GLRB: variants seen among roughly 807,000 people sequenced by gnomAD.
The protein encoded by GLRB is glycine receptor subunit beta.
A neutral mutation model predicts 54.2 loss-of-function variants in GLRB; 33 were observed. The observed-to-expected ratio is 0.61, with a 90% CI of 0.46 to 0.81. The LOEUF is 0.81. Among genes scored for constraint, GLRB ranks in the 40% least tolerant of loss-of-function variants. GLRB has a pLI of 0.00. For synonymous variants in GLRB, 209 were observed against 208.2 expected, an observed-to-expected ratio of 1.00 and a Z score of -0.03; for missense variants, 572 against 584.6, an observed-to-expected ratio of 0.98 and a Z score of 0.22.
intron 9 of GLRB, among the ~76,000 whole-genome samples, chr4:157,159,375 A>G (rs532768210): frequency 6.6e-6 from 1 of 152,274 alleles, no homozygotes; most frequent in East Asian, 1.9e-4. Flanking sequence ...TATGTTGAAT[A>G]GGAATGCTAA....
intron 2 of GLRB, among the ~76,000 whole-genome samples, chr4:157,094,416 G>T (rs750797982): frequency 4.3e-4 from 66 of 152,068 alleles, no homozygotes; most frequent in Middle Eastern, 3.2e-3. Flanking sequence ...TCCATTATAT[G>T]AATCACTGCA....
chr4:157,093,156 T>C (rs1345102062), intron 2 of GLRB, among the ~76,000 whole-genome samples: 5 of 145,752 alleles, frequency 3.4e-5, no homozygotes, highest in African/African-American at 1.3e-4. Flanking sequence ...ACATTTAAAG[T>C]TTATTAAAGT....
At chr4:157,119,999 A>T (rs1413711110) in intron 2 of GLRB, among the ~76,000 whole-genome samples, 5 of 151,786 alleles carry the variant, frequency 3.3e-5, no homozygotes, top group Admixed American at 3.3e-4. Context: ...TCCAACAATG[A>T]TAGGCTGGAT....
chr4:157,097,877 C>T (rs1734872160), intron 2 of GLRB, among the ~76,000 whole-genome samples: 1 of 152,116 alleles, frequency 6.6e-6, no homozygotes, highest in South Asian at 2.1e-4. Context: ...AAAAATTAGC[C>T]AGGCATCATG....
chr4:157,164,605 G>A (rs1310499601), intron 9 of GLRB, among the ~76,000 whole-genome samples: 1 of 152,030 alleles, frequency 6.6e-6, no homozygotes, highest in Non-Finnish European at 1.5e-5. Context: ...ATTAAATGTA[G>A]TAACAATACT....
chr4:157,109,685 G>C (rs1579205359), intron 2 of GLRB, among the ~76,000 whole-genome samples: 1 of 151,992 alleles, frequency 6.6e-6, no homozygotes, highest in East Asian at 1.9e-4. Flanking sequence ...GTTGTGTCCT[G>C]TACTTCTGAC....
chr4:157,125,892 G>A (rs1735998985), intron 4 of GLRB, among the ~76,000 whole-genome samples: 1 of 151,988 alleles, frequency 6.6e-6, no homozygotes, highest in African/African-American at 2.4e-5. Context: ...AGGTTGCAGT[G>A]AGCTGAGATC....
At chr4:157,107,241 A>G (rs1170297101) in intron 2 of GLRB, among the ~76,000 whole-genome samples, 2 of 152,032 alleles carry the variant, frequency 1.3e-5, no homozygotes, top group African/African-American at 4.8e-5. Context: ...TAATATCTCT[A>G]CAATTGTCTC....
intron 2 of GLRB, among the ~76,000 whole-genome samples, chr4:157,113,524 C>G (rs922488307): frequency 6.6e-6 from 1 of 151,678 alleles, no homozygotes; most frequent in African/African-American, 2.4e-5. Context: ...TAAAAGTGAC[C>G]AACAGATAGC....
chr4:157,161,667 C>T (rs960072104), intron 9 of GLRB, among the ~76,000 whole-genome samples: 1 of 152,226 alleles, frequency 6.6e-6, no homozygotes, highest in African/African-American at 2.4e-5. Context: ...CCCCCACTCT[C>T]TTCTAGCTTG....
intron 4 of GLRB, among the ~76,000 whole-genome samples, chr4:157,125,945 TC>T (rs1736000819): frequency 6.6e-6 from 1 of 151,788 alleles, no homozygotes; most frequent in African/African-American, 2.4e-5. Flanking sequence ...TCAGTATTGC[TC>T]TGTGCTTTCC....
chr4:157,124,094 T>G (rs1245668678), intron 4 of GLRB, among the ~76,000 whole-genome samples: 1 of 151,676 alleles, frequency 6.6e-6, no homozygotes, highest in Non-Finnish European at 1.5e-5. Flanking sequence ...GCATGTAATA[T>G]TTAAATAAAT....
intron 9 of GLRB, among the ~76,000 whole-genome samples, chr4:157,157,263 T>G (rs780744011): frequency 7.9e-5 from 12 of 152,286 alleles, no homozygotes; most frequent in Middle Eastern, 3.4e-3. Flanking sequence ...ATCAGGGCCT[T>G]GTTACTGGTC....
intron 2 of GLRB, among the ~76,000 whole-genome samples, chr4:157,119,457 G>A (rs977827269): frequency 4.0e-5 from 6 of 151,376 alleles, no homozygotes; most frequent in Admixed American, 1.3e-4. Context: ...TTTTCTCATT[G>A]TGTGCACTCC....
intron 9 of GLRB, among the ~76,000 whole-genome samples, chr4:157,159,763 A>G (rs536102816): frequency 5.7e-4 from 86 of 152,208 alleles, no homozygotes; most frequent in Non-Finnish European, 9.3e-4. Flanking sequence ...TTTGGCATTG[A>G]TGTTCATCCG....
chr4:157,161,321 C>T (rs1737479215), intron 9 of GLRB, among the ~76,000 whole-genome samples: 2 of 152,130 alleles, frequency 1.3e-5, no homozygotes, highest in African/African-American at 4.8e-5. Flanking sequence ...GAGCATTTAG[C>T]CCATTTACAT....
intron 8 of GLRB, among the ~76,000 whole-genome samples, chr4:157,146,056 G>GCC (rs1381443278): frequency 1.3e-5 from 2 of 150,758 alleles, no homozygotes; most frequent in Non-Finnish European, 3.0e-5. Context: ...TTGCTCTGTT[G>GCC]CCCAGGCTGG....
At chr4:157,158,271 T>G (rs1737317550) in intron 9 of GLRB, among the ~76,000 whole-genome samples, 1 of 152,156 alleles carries the variant, frequency 6.6e-6, no homozygotes, top group South Asian at 2.1e-4. Context: ...TTTTCTCCCA[T>G]TCTGTAGGTT....
chr4:157,167,795 T>A (rs1357257380), intron 9 of GLRB, among the ~76,000 whole-genome samples: 1 of 152,176 alleles, frequency 6.6e-6, no homozygotes, highest in Non-Finnish European at 1.5e-5. Flanking sequence ...ACTAGAAGCA[T>A]GGCATCAGAA....
Sources: gnomAD v4.1 joint callset for allele counts (sites outside exome capture counted in the v4.1 genomes callset) on GRCh38, gnomAD v4.1.1 for gene constraint, MANE v1.5 for transcripts, NCBI Gene and HGNC (gene_info 2026-07-23, HGNC 2026-07-21) for gene names.